The following SGK1 variants were observed in gnomAD, a reference collection of about 807,000 sequenced individuals.
SGK1 encodes serum/glucocorticoid regulated kinase 1, also known as serine/threonine-protein kinase Sgk1.
In SGK1, 26 loss-of-function variants were observed where a neutral mutation model predicts 64.2. That is an observed-to-expected ratio of 0.40 (90% confidence interval 0.30 to 0.56). The LOEUF is 0.56. Among genes scored for constraint, SGK1 ranks in the 20% least tolerant of loss-of-function variants. The pLI is 0.38. For missense variants in SGK1, 519 were observed against 645.6 expected (o/e 0.80, Z 2.12); for synonymous variants, 265 against 239.7 (o/e 1.11, Z -0.98).
chr6:134,180,070 C>G (rs1253720561), intron 3 of SGK1, among the ~76,000 whole-genome samples: 1 of 152,116 alleles, frequency 6.6e-6, no homozygotes, highest in African/African-American at 2.4e-5. Context: ...CCTCCCACCT[C>G]GGACTCCTGA....
In SGK1 at chr6:134,278,619, C is replaced by T. The variant is rs115092499; in HGVS notation, c.70-16471G>A. 6.9e-3 allele frequency among the ~76,000 whole-genome samples: 1,040 copies of T among 151,290 alleles called. 4 individuals carry two copies. Among genetic ancestry groups the T allele is most frequent in the African/African-American group, 0.024 (990 of 41,346 alleles). ...CTATTTCTGTATTCTATTTTTTTTT[C>T]TCACTTCATGTTTTATAAATGAAGA... On this transcript the variant is annotated intron_variant, in intron 1 of 13. Transcript: ENST00000367858.
intron 2 of SGK1, among the ~76,000 whole-genome samples, chr6:134,253,352 C>T (rs777172465): frequency 9.9e-5 from 15 of 151,024 alleles, no homozygotes; most frequent in South Asian, 2.1e-4. Context: ...AGGCAGGTCT[C>T]GAACTCCTGG....
At position 134,240,165 on chromosome 6, in the gene SGK1, G is replaced by A. The variant is rs528022269; in HGVS notation, c.285+21768C>T. On this transcript the variant is annotated intron_variant, in intron 2 of 13. Coordinates refer to ENST00000367858, the MANE Select transcript of SGK1 (RefSeq NM_001143676.3). The stretch of plus-strand genomic sequence containing the variant: ...AAATTAGACAGGGATGGTGACCGAC[G>A]CCTATAGTCCCAGCTACTGGGGAGG... 4.7e-4 allele frequency among the ~76,000 whole-genome samples: 71 copies of A among 152,126 alleles called. 1 individual carries two copies. The highest frequency in any genetic ancestry group is 2.9e-3 in the Admixed American group (45 of 15,278).
chr6:134,246,609 T>A (rs1286515139), intron 2 of SGK1, among the ~76,000 whole-genome samples: 2 of 152,136 alleles, frequency 1.3e-5, no homozygotes, highest in Non-Finnish European at 2.9e-5. Context: ...ATTTATTTAT[T>A]TGACACAGAG....
rs569220878 is a variant in SGK1, at chr6:134,171,142, C to T, written c.1204G>A (p.Asp402Asn). The T allele has an allele frequency of 1.2e-5, 19 of 1,613,982 alleles. No individual in the cohort carries two copies. The East Asian group carries it at 1.6e-4, about 13-fold the overall frequency. Reference sequence around the variant, plus strand: ...TGGAGAGGCTTGTTCAGAATGTTGTCGTACATTTCAGCTGTGTTTCGGCTA... The same window carrying T: ...TGGAGAGGCTTGTTCAGAATGTTGTTGTACATTTCAGCTGTGTTTCGGCTA... Reference protein sequence around the residue: ...FYSRNTAEMYDNILNKPLQLK... With the variant: ...FYSRNTAEMYNNILNKPLQLK... Residue 402 changes from aspartate (D) to asparagine (N), a missense_variant, in exon 12 of 14, where the codon GAC becomes AAC. Coordinates refer to ENST00000367858, the MANE Select transcript of SGK1 (RefSeq NM_001143676.3).
At chr6:134,171,262 CAATA>C in intron 11 of SGK1, 84 bp from the exon 12 acceptor site, 2 of 1,274,904 alleles carry the variant, frequency 1.6e-6, no homozygotes, top group Non-Finnish European at 2.3e-6. Context: ...ATATAAACGG[CAATA>C]AATATTAGGC....
chr6:134,288,279 T>A (rs1777215700), intron 1 of SGK1, among the ~76,000 whole-genome samples: 1 of 152,016 alleles, frequency 6.6e-6, no homozygotes, highest in South Asian at 2.1e-4. Context: ...TTAAGTGGAG[T>A]CTGAATGTAA....
chr6:134,280,850 T>C (rs1006397582), intron 1 of SGK1, among the ~76,000 whole-genome samples: 55 of 152,220 alleles, frequency 3.6e-4, no homozygotes, highest in African/African-American at 1.3e-3. Flanking sequence ...GCGGATCACT[T>C]TAGGTCAGGA....
chr6:134,284,309 C>T (rs906936479), intron 1 of SGK1, among the ~76,000 whole-genome samples: 1 of 151,584 alleles, frequency 6.6e-6, no homozygotes, highest in Admixed American at 6.6e-5. Context: ...ACAGGGTGGT[C>T]TCGAACACCA....
At chr6:134,232,411 A>AAGAAAAGAAAGAGAGAG (rs771204086) in intron 2 of SGK1, among the ~76,000 whole-genome samples, 2 of 30,282 alleles carry the variant, frequency 6.6e-5, no homozygotes, top group South Asian at 2.4e-3. Flanking sequence ...AAAAGAAAGA[A>AAGAAAAGAAAGAGAGAG]AGAGAAAGAA....
intron 3 of SGK1, among the ~76,000 whole-genome samples, chr6:134,176,638 C>T (rs1008953992): frequency 4.6e-5 from 7 of 152,206 alleles, no homozygotes; most frequent in Admixed American, 4.6e-4. Flanking sequence ...CTGCCATGAC[C>T]TCTTGCTACC....
intron 2 of SGK1, among the ~76,000 whole-genome samples, chr6:134,218,456 G>A (rs1415517927): frequency 5.2e-5 from 6 of 114,642 alleles, no homozygotes. Flanking sequence ...TTTTTTTTGA[G>A]AGAGTCTGGC....
At chr6:134,218,400 G>A (rs925687161) in intron 2 of SGK1, among the ~76,000 whole-genome samples, 1 of 151,310 alleles carries the variant, frequency 6.6e-6, no homozygotes, top group African/African-American at 2.4e-5. Context: ...GACAGATCTT[G>A]CCCTCATGGA....
chr6:134,247,345 A>G (rs531912997), intron 2 of SGK1, among the ~76,000 whole-genome samples: 17 of 152,320 alleles, frequency 1.1e-4, no homozygotes, highest in Non-Finnish European at 2.4e-4. Context: ...TTAGAGTAGC[A>G]GGCTGCTGCT....
chr6:134,313,501 G>A (rs1162726711), intron 1 of SGK1, among the ~76,000 whole-genome samples: 1 of 151,828 alleles, frequency 6.6e-6, no homozygotes, highest in Non-Finnish European at 1.5e-5. Context: ...AAAAATGAAT[G>A]AATGAGGCAT....
intron 1 of SGK1, among the ~76,000 whole-genome samples, chr6:134,290,246 C>T (rs576108918): frequency 6.7e-5 from 10 of 150,308 alleles, no homozygotes; most frequent in Admixed American, 5.3e-4. Flanking sequence ...ATTGTTTGAG[C>T]GCAGGAGTTC....
chr6:134,303,137 T>A (rs942641927), intron 1 of SGK1, among the ~76,000 whole-genome samples: 1 of 152,070 alleles, frequency 6.6e-6, no homozygotes, highest in Admixed American at 6.5e-5. Flanking sequence ...CTCACGCCTA[T>A]AATCCCAGCA....
chr6:134,298,708 G>A, intron 1 of SGK1: 4 of 668,318 alleles, frequency 6.0e-6, no homozygotes, highest in Middle Eastern at 2.9e-4. Context: ...GTGGAGGCAG[G>A]AGTGGAGGCA....
At chr6:134,225,018 AAAAAAG>A (rs1182220572) in intron 2 of SGK1, among the ~76,000 whole-genome samples, 5 of 147,226 alleles carry the variant, frequency 3.4e-5, no homozygotes, top group South Asian at 2.1e-4. Flanking sequence ...CAAAAAAAAA[AAAAAAG>A]AAAAAAGAAA....
Sources: gnomAD v4.1 joint callset for allele counts (sites outside exome capture counted in the v4.1 genomes callset) on GRCh38, gnomAD v4.1.1 for gene constraint, MANE v1.5 for transcripts, NCBI Gene and HGNC (gene_info 2026-07-23, HGNC 2026-07-21) for gene names.